The following KRT23 variants were observed in gnomAD, a reference collection of about 807,000 sequenced individuals.
KRT23 encodes the protein keratin 23.
KRT23 carries 38 observed loss-of-function variants against 47.6 expected under a neutral mutation model. That is an observed-to-expected ratio of 0.80 (90% CI 0.62 to 1.05). KRT23 has a LOEUF of 1.05. Ranked by LOEUF, KRT23 falls within the 50% of genes least tolerant of loss-of-function variation. KRT23 has a pLI of 0.00. For missense variants in KRT23, 503 were observed against 529.5 expected (o/e 0.95, Z 0.49); for synonymous variants, 191 against 199.0 (o/e 0.96, Z 0.34).
intron 2 of KRT23, among the ~76,000 whole-genome samples, chr17:40,932,017 G>T (rs1479651525): frequency 1.3e-5 from 2 of 152,138 alleles, no homozygotes; most frequent in Non-Finnish European, 2.9e-5. Flanking sequence ...TTTCTAATCA[G>T]TGTTACTGAG....
At chr17:40,933,098 T>C (rs1909808168) in intron 2 of KRT23, among the ~76,000 whole-genome samples, 2 of 152,182 alleles carry the variant, frequency 1.3e-5, no homozygotes, top group South Asian at 4.1e-4. Flanking sequence ...AAAAAGTAAA[T>C]AATACACCTT....
chr17:40,933,693 C>T (rs979392623), intron 2 of KRT23, among the ~76,000 whole-genome samples: 10 of 152,118 alleles, frequency 6.6e-5, no homozygotes, highest in African/African-American at 2.2e-4. Context: ...ATATAGAGCA[C>T]GTTTAAAACT....
intron 4 of KRT23, chr17:40,929,652 C>T (rs888726682): frequency 1.8e-5 from 6 of 335,038 alleles, no homozygotes; most frequent in African/African-American, 1.3e-4. Flanking sequence ...CGCATTGATT[C>T]TTATAGTAAC....
rs1290388479 is a variant in KRT23, at chr17:40,922,811, G to T, written c.*178C>A. 5 of 533,468 alleles carry T rather than the reference G, an allele frequency of 9.4e-6. No homozygotes were observed. The highest frequency in any genetic ancestry group is 1.9e-5 in the African/African-American group (1 of 51,592). The allele number at this position is 533,468 out of a possible 1,614,324, so 33.0% of individuals were successfully genotyped here. ...ATAAACTCGCACTTTGATTAGAAAA[G>T]TGCAATATATTAAGAGCATTATGAG... On this transcript the variant is annotated 3_prime_UTR_variant, in exon 9 of 9. Coordinates refer to ENST00000209718, the MANE Select transcript of KRT23 (RefSeq NM_015515.5).
chr17:40,929,987 C>T lies in KRT23; in HGVS notation c.589G>A (p.Glu197Lys), dbSNP rs1909534819. 6.2e-7 allele frequency: 1 copy of T among 1,614,044 alleles called. No homozygotes were observed. Among genetic ancestry groups the T allele is most frequent in the South Asian group, 1.1e-5 (1 of 91,076 alleles). Residue 197 changes from glutamate to lysine, a missense_variant, in exon 4 of 9, where the codon GAA becomes AAA. Transcript: ENST00000209718. ...IVTTDLEQEV[E>K]GMRKELILMK... ...AGAATGAGCTCTTTCCTCATTCCTTCCACCTCCTGTTCTAGGTCTGTTGTG... is the reference window on the plus strand; with the variant it reads ...AGAATGAGCTCTTTCCTCATTCCTTTCACCTCCTGTTCTAGGTCTGTTGTG...
chr17:40,936,684 G>A lies in KRT23; in HGVS notation c.-81C>T, dbSNP rs1910105585. ...GAACTGAGCCGCCCCAGACTGCCCT[G>A]GATGGTTTTATGGCCTTTGCTGTGG... On this transcript the variant is annotated 5_prime_UTR_variant, in exon 2 of 9. Coordinates refer to ENST00000209718, the MANE Select transcript of KRT23 (RefSeq NM_015515.5). The A allele has an allele frequency of 1.5e-6, 2 of 1,368,394 alleles. No individual in the cohort carries two copies. Among genetic ancestry groups the A allele is most frequent in the Non-Finnish European group, 1.9e-6 (2 of 1,035,852 alleles). The allele number at this position is 1,368,394 out of a possible 1,614,324, so 84.8% of individuals were successfully genotyped here. A position where few individuals can be genotyped will look rare whatever the true frequency, so the allele number is the denominator to read the frequency against.
At chr17:40,928,866 A>G (rs1480823020) in intron 4 of KRT23, among the ~76,000 whole-genome samples, 1 of 152,050 alleles carries the variant, frequency 6.6e-6, no homozygotes, top group Non-Finnish European at 1.5e-5. Flanking sequence ...TCTCTACTAA[A>G]AATACAAAAA....
At position 40,936,396 on chromosome 17, in the gene KRT23, C is replaced by T. The variant is rs754984346; in HGVS notation, c.208G>A (p.Gly70Arg). The T allele has an allele frequency of 3.1e-6, 5 of 1,614,018 alleles. No individual in the cohort carries two copies. Among genetic ancestry groups the T allele is most frequent in the East Asian group, 2.2e-5 (1 of 44,882 alleles). ...GSGRSSPLLGGNGKATMQNLN... is the reference protein window; with the variant it reads ...GSGRSSPLLGRNGKATMQNLN... ...TTCTGCATGGTGGCCTTCCCATTTC[C>T]GCCTAGTAGGGGGCTGCTTCTTCCA... Residue 70 changes from glycine to arginine, a missense_variant, in exon 2 of 9, where the codon GGA (glycine) becomes AGA (arginine). Gly to Arg is a moderately radical substitution (Grantham distance 125). Coordinates refer to ENST00000209718, the MANE Select transcript of KRT23 (RefSeq NM_015515.5).
intron 4 of KRT23, among the ~76,000 whole-genome samples, chr17:40,929,027 C>CAAAAAAAAA (rs3067615): frequency 1.6e-5 from 1 of 64,286 alleles, no homozygotes; most frequent in Non-Finnish European, 2.8e-5. Context: ...ACCCTGTCTC[C>CAAAAAAAAA]AAAAAAAAAA....
chr17:40,936,389 C>A lies in KRT23; in HGVS notation c.215G>T (p.Gly72Val). Residue 72 changes from glycine to valine, a missense_variant, in exon 2 of 9, where the codon GGG becomes GTG. By Grantham distance (109) the Gly-to-Val change is moderately radical (BLOSUM62 -3). Coordinates refer to ENST00000209718, the MANE Select transcript of KRT23 (RefSeq NM_015515.5). ...GRSSPLLGGN[G>V]KATMQNLNDR... The stretch of plus-strand genomic sequence containing the variant: ...GTTGAGATTCTGCATGGTGGCCTTC[C>A]CATTTCCGCCTAGTAGGGGGCTGCT... The A allele has an allele frequency of 1.9e-6, 3 of 1,614,198 alleles. No individual in the cohort carries two copies. The South Asian group carries it at 3.3e-5, about 18-fold the overall frequency.
chr17:40,936,153 G>C, intron 2 of KRT23, 55 bp downstream of exon 2: 2 of 1,599,030 alleles, frequency 1.3e-6, no homozygotes, highest in Non-Finnish European at 1.7e-6. Context: ...TTCCTCCCGA[G>C]GGTCCCCTGG....
Position 40,930,175 on chromosome 17 carries a change from G to A in KRT23, c.480-79C>T, listed in dbSNP as rs192620312. 5.4e-3 allele frequency: 7,352 copies of A among 1,353,504 alleles called. 36 individuals are homozygous for A. The highest frequency in any genetic ancestry group is 0.019 in the Middle Eastern group (102 of 5,390). 83.8% of individuals were successfully genotyped at this position (1,353,504 alleles called of 1,614,324 possible). ...TGAAAGGATTCATTTTCATTTAGAG[G>A]TGAATCTTTTACTTTTTAGGTTTAA... is the stretch of plus-strand genomic sequence containing the variant. On this transcript the variant is annotated intron_variant, in intron 3 of 8. Coordinates refer to ENST00000209718, the MANE Select transcript of KRT23 (RefSeq NM_015515.5).
At chr17:40,926,516 C>T (rs886823097) in intron 6 of KRT23, among the ~76,000 whole-genome samples, 9 of 152,174 alleles carry the variant, frequency 5.9e-5, no homozygotes, top group Admixed American at 5.9e-4. Flanking sequence ...CTGCTCCCTA[C>T]ATTGCTCCCA....
chr17:40,923,743 G>A (rs892683495), intron 8 of KRT23, among the ~76,000 whole-genome samples: 1 of 152,204 alleles, frequency 6.6e-6, no homozygotes, highest in Admixed American at 6.5e-5. Flanking sequence ...TAGATGGGTA[G>A]CAGTGAGACC....
At position 40,936,407 on chromosome 17, in the gene KRT23, G is replaced by A. The variant is rs1486389006; in HGVS notation, c.197C>T (p.Pro66Leu). Residue 66 changes from proline to leucine, a missense_variant, in exon 2 of 9, where the codon CCC becomes CTC. By Grantham distance (98) the Pro-to-Leu change is moderately conservative. Transcript: ENST00000209718. ...GGCCTTCCCATTTCCGCCTAGTAGGGGGCTGCTTCTTCCAGAACCCCAAGA... is the reference window on the plus strand; with the variant it reads ...GGCCTTCCCATTTCCGCCTAGTAGGAGGCTGCTTCTTCCAGAACCCCAAGA... ...GGSWGSGRSS[P>L]LLGGNGKATM... The A allele has an allele frequency of 1.2e-6, 2 of 1,614,058 alleles. No homozygotes were observed. The highest frequency in any genetic ancestry group is 8.5e-7 in the Non-Finnish European group (1 of 1,179,938).
Position 40,936,854 on chromosome 17 carries a change from T to G in KRT23, c.-251A>C. The G allele has an allele frequency of 5.2e-6, 2 of 387,720 alleles. No individual in the cohort carries two copies. The highest frequency in any genetic ancestry group is 9.1e-6 in the Non-Finnish European group (2 of 219,770). The allele number at this position is 387,720 out of a possible 1,614,324, so 24.0% of individuals were successfully genotyped here. A position where few individuals can be genotyped will look rare whatever the true frequency, so the allele number is the denominator to read the frequency against. On this transcript the variant is annotated 5_prime_UTR_variant, in exon 2 of 9. Transcript: ENST00000209718. Reference sequence around the variant, plus strand: ...TCAATATGACAGTTTGCTTCCTCCCTTCCCCTGGTAACCCGGAGGTGTGGC... The same window carrying G: ...TCAATATGACAGTTTGCTTCCTCCCGTCCCCTGGTAACCCGGAGGTGTGGC...
intron 4 of KRT23, among the ~76,000 whole-genome samples, chr17:40,929,046 A>AC (rs1226304065): frequency 6.7e-6 from 1 of 150,146 alleles, no homozygotes; most frequent in African/African-American, 2.5e-5. Flanking sequence ...AAAAAAAAAA[A>AC]AAAAGAATAT....
At position 40,931,281 on chromosome 17, in the gene KRT23, A is replaced by G. The variant is rs535337032; in HGVS notation, c.479+92T>C. The G allele has an allele frequency of 4.5e-6, 4 of 887,868 alleles. No homozygotes were observed. The South Asian group carries it at 5.6e-5, about 12-fold the overall frequency. 55.0% of individuals were successfully genotyped at this position (887,868 alleles called of 1,614,324 possible). On this transcript the variant is annotated intron_variant, in intron 3 of 8. Transcript: ENST00000209718. ...CGCCTTGGCCTCCCAAAGTGCTGGG[A>G]TTACAGGTGTGAGCCACCGCGCCCC...
intron 2 of KRT23, among the ~76,000 whole-genome samples, chr17:40,935,962 T>A (rs529162586): frequency 1.8e-4 from 27 of 152,220 alleles, no homozygotes; most frequent in Non-Finnish European, 2.8e-4. Context: ...TCTGTAGCAC[T>A]TCTATCATTT....
Sources: allele counts gnomAD v4.1 joint callset (sites outside exome capture counted in the v4.1 genomes callset), GRCh38; gene constraint gnomAD v4.1.1; transcripts MANE v1.5; gene names NCBI Gene and HGNC (gene_info 2026-07-23, HGNC 2026-07-21).